The following CPNE4 variants were observed in gnomAD, a reference collection of about 807,000 sequenced individuals.
The protein encoded by CPNE4 is copine 4.
A neutral mutation model predicts 67.9 loss-of-function variants in CPNE4; 25 were observed. The observed-to-expected ratio is 0.37, with a 90% confidence interval of 0.27 to 0.51. CPNE4 has a LOEUF of 0.51. CPNE4 is among the 20% of genes least tolerant of loss of function. The pLI, the probability that CPNE4 is intolerant of heterozygous loss-of-function variation, is 0.93. For synonymous variants in CPNE4, 242 were observed against 244.9 expected (o/e 0.99, Z 0.11); for missense variants, 464 against 690.8 (o/e 0.67, Z 3.68).
At chr3:131,651,245 T>C (rs1456991797) in intron 7 of CPNE4, among the ~76,000 whole-genome samples, 1 of 152,294 alleles carries the variant, frequency 6.6e-6, no homozygotes, top group South Asian at 2.1e-4. Flanking sequence ...CCTGAGATAT[T>C]TTAAACACTA....
chr3:131,768,859 CT>C (rs1424920049), intron 2 of CPNE4, among the ~76,000 whole-genome samples: 1 of 152,118 alleles, frequency 6.6e-6, no homozygotes, highest in Non-Finnish European at 1.5e-5. Flanking sequence ...CTCCAACTCT[CT>C]TAAAGTGATT....
At chr3:131,589,281 C>T (rs946629950) in intron 7 of CPNE4, among the ~76,000 whole-genome samples, 1 of 152,132 alleles carries the variant, frequency 6.6e-6, no homozygotes, top group African/African-American at 2.4e-5. Flanking sequence ...TGAGAGCCCC[C>T]AGGAAGCCAC....
chr3:131,754,141 A>G (rs953917667), intron 2 of CPNE4, among the ~76,000 whole-genome samples: 7 of 152,130 alleles, frequency 4.6e-5, no homozygotes, highest in African/African-American at 1.7e-4. Flanking sequence ...AGAGATTTTC[A>G]TAAGGTATTT....
chr3:132,001,549 A>AGAG (rs60979385), intron 1 of CPNE4, among the ~76,000 whole-genome samples: 2,233 of 110,150 alleles, frequency 0.02, 100 homozygotes, highest in African/African-American at 0.077. Context: ...AGACAAAGAA[A>AGAG]AAAGAGAAAG....
intron 8 of CPNE4, among the ~76,000 whole-genome samples, chr3:131,586,063 C>G (rs1157537333): frequency 6.6e-6 from 1 of 152,128 alleles, no homozygotes; most frequent in African/African-American, 2.4e-5. Context: ...CATTTCCATC[C>G]AGTCTGACTG....
At chr3:131,699,751 GA>G (rs1328233608) in intron 4 of CPNE4, among the ~76,000 whole-genome samples, 157 bp downstream of exon 4, 1 of 152,186 alleles carries the variant, frequency 6.6e-6, no homozygotes, top group Non-Finnish European at 1.5e-5. Context: ...TCAGAAAAGA[GA>G]AAGAAAGAAA....
chr3:131,699,238 A>G (rs1174527996), intron 4 of CPNE4, among the ~76,000 whole-genome samples: 1 of 152,206 alleles, frequency 6.6e-6, no homozygotes, highest in East Asian at 1.9e-4. Flanking sequence ...CTGCAATTAT[A>G]GAAATGTTTT....
At chr3:131,804,589 G>A (rs1339549482) in intron 2 of CPNE4, among the ~76,000 whole-genome samples, 1 of 152,102 alleles carries the variant, frequency 6.6e-6, no homozygotes, top group East Asian at 1.9e-4. Context: ...TTTACAATGT[G>A]ACTTTCAATT....
chr3:131,813,390 T>C (rs1398576769), intron 2 of CPNE4, among the ~76,000 whole-genome samples: 3 of 150,344 alleles, frequency 2.0e-5, no homozygotes, highest in Non-Finnish European at 4.4e-5. Flanking sequence ...AATATATATA[T>C]AGTATGTATA....
rs774205954 is a variant in CPNE4, at chr3:131,989,492, C to T, written c.-2+45075G>A. On this transcript the variant is annotated intron_variant, in intron 1 of 15. Transcript: ENST00000429747. The stretch of plus-strand genomic sequence containing the variant: ...AGCAGTAACAATGGCCAAAGAATTG[C>T]GCAAGTTTGGGAACCTGTAAACCAA... Among the ~76,000 whole-genome samples the T allele has an allele frequency of 7.2e-4, 63 of 87,692 alleles. 7 individuals carry two copies. Among genetic ancestry groups the T allele is most frequent in the African/African-American group, 7.8e-4 (28 of 36,038 alleles). 57.5% of individuals were successfully genotyped at this position (87,692 alleles called of 152,430 possible).
chr3:131,700,476 C>T (rs181561280), intron 3 of CPNE4, among the ~76,000 whole-genome samples: 4 of 152,130 alleles, frequency 2.6e-5, no homozygotes, highest in African/African-American at 9.7e-5. Context: ...AATTGATGCT[C>T]AGACAAGTCA....
At chr3:131,701,449 G>T (rs2081298956) in intron 3 of CPNE4, among the ~76,000 whole-genome samples, 2 of 152,182 alleles carry the variant, frequency 1.3e-5, no homozygotes, top group African/African-American at 4.8e-5. Flanking sequence ...AAAGTGATGG[G>T]ATATCACTTC....
chr3:131,907,975 T>A (rs937800445), intron 1 of CPNE4, among the ~76,000 whole-genome samples: 3 of 152,188 alleles, frequency 2.0e-5, no homozygotes, highest in Non-Finnish European at 4.4e-5. Flanking sequence ...GATGAAAAAA[T>A]TCAAGCTCAG....
chr3:131,759,190 A>G (rs2082829452), intron 2 of CPNE4, among the ~76,000 whole-genome samples: 1 of 152,140 alleles, frequency 6.6e-6, no homozygotes, highest in African/African-American at 2.4e-5. Flanking sequence ...AATGAACGAG[A>G]TGGATGCTGA....
At chr3:131,933,029 C>A (rs765872582) in intron 1 of CPNE4, among the ~76,000 whole-genome samples, 1 of 152,042 alleles carries the variant, frequency 6.6e-6, no homozygotes, top group Admixed American at 6.6e-5. Context: ...GAATAGCATG[C>A]AAAGTCTTCA....
intron 7 of CPNE4, among the ~76,000 whole-genome samples, chr3:131,603,068 T>C (rs1057046507): frequency 2.6e-5 from 4 of 152,160 alleles, no homozygotes; most frequent in African/African-American, 4.8e-5. Flanking sequence ...TCTGTCTCTA[T>C]GACTTATATC....
intron 2 of CPNE4, among the ~76,000 whole-genome samples, chr3:131,748,156 T>C (rs1041355751): frequency 1.3e-5 from 2 of 152,222 alleles, no homozygotes; most frequent in South Asian, 4.1e-4. Context: ...ACAGGATTAC[T>C]ATATTATGGT....
At chr3:131,853,125 T>C (rs776489404) in intron 2 of CPNE4, among the ~76,000 whole-genome samples, 1 of 151,656 alleles carries the variant, frequency 6.6e-6, no homozygotes, top group Non-Finnish European at 1.5e-5. Context: ...CCAAAGCAAT[T>C]TGAAAAATAA....
intron 2 of CPNE4, among the ~76,000 whole-genome samples, chr3:131,761,742 T>C (rs2082896580): frequency 6.6e-6 from 1 of 152,106 alleles, no homozygotes; most frequent in Non-Finnish European, 1.5e-5. Flanking sequence ...ACTTTTACCA[T>C]TCAACAGTGA....
Sources: gnomAD v4.1 joint callset for allele counts (sites outside exome capture counted in the v4.1 genomes callset) on GRCh38, gnomAD v4.1.1 for gene constraint, MANE v1.5 for transcripts, NCBI Gene and HGNC (gene_info 2026-07-23, HGNC 2026-07-21) for gene names.